Variants in PCDH15 observed in about 807,000 individuals in gnomAD.
PCDH15 encodes protocadherin related 15, also known as protocadherin-15.
A neutral mutation model predicts 178.5 loss-of-function variants in PCDH15; 129 were observed. The ratio of observed to expected loss-of-function variants is 0.72; its 90% CI spans 0.63 to 0.84. The LOEUF (loss-of-function observed/expected upper bound fraction) is 0.84, where lower values mean the gene tolerates loss of function less well. PCDH15 is among the 40% of genes least tolerant of loss of function. PCDH15 has a pLI of 0.00. For missense variants in PCDH15, 2,230 were observed against 2,099.9 expected (o/e 1.06, Z -1.21); for synonymous variants, 800 against 732.0 (o/e 1.09, Z -1.50).
rs150701542 is a variant in PCDH15 at position 55,613,768 on chromosome 10, T to C, written c.-156+13857A>G. Among the ~76,000 whole-genome samples, 581 of 152,228 alleles carry C rather than the reference T, an allele frequency of 3.8e-3. 3 individuals are homozygous for C. Among genetic ancestry groups the C allele is most frequent in the African/African-American group, 0.013 (553 of 41,538 alleles). On this transcript the variant is annotated intron_variant, in intron 2 of 5. Coordinates refer to the PCDH15 transcript ENST00000613346. ...CAAAGCCAAATAGAAAAGATGCAAA[T>C]CATTCGTAGGACAAGGGTTGATGCA...
intron 10 of PCDH15, among the ~76,000 whole-genome samples, chr10:54,198,353 C>T (rs953517133): frequency 5.9e-5 from 9 of 151,964 alleles, no homozygotes; most frequent in Non-Finnish European, 1.3e-4. Context: ...GGCTTCCAAC[C>T]CAATGACCTT....
intron 2 of PCDH15, among the ~76,000 whole-genome samples, chr10:55,115,565 A>C (rs1837611164): frequency 6.6e-6 from 1 of 152,200 alleles, no homozygotes; most frequent in Non-Finnish European, 1.5e-5. Context: ...TGTATAACCA[A>C]GGTGTCAGCT....
At chr10:54,825,233 A>G (rs1953107750) in intron 3 of PCDH15, among the ~76,000 whole-genome samples, 1 of 151,890 alleles carries the variant, frequency 6.6e-6, no homozygotes, top group African/African-American at 2.4e-5. Context: ...ATAGTATTCC[A>G]TGGTGTATAT....
At chr10:54,198,958 C>G (rs533747235) in intron 10 of PCDH15, among the ~76,000 whole-genome samples, 1 of 152,188 alleles carries the variant, frequency 6.6e-6, no homozygotes, top group African/African-American at 2.4e-5. Flanking sequence ...ATTTTACATT[C>G]AGATCATATA....
chr10:54,063,903 C>T (rs1297249740), intron 18 of PCDH15, among the ~76,000 whole-genome samples: 1 of 152,174 alleles, frequency 6.6e-6, no homozygotes. Flanking sequence ...GAGGGGCTCC[C>T]TGAAGAGCCG....
At chr10:54,335,606 A>G (rs1340145462) in intron 6 of PCDH15, among the ~76,000 whole-genome samples, 1 of 152,192 alleles carries the variant, frequency 6.6e-6, no homozygotes, top group Non-Finnish European at 1.5e-5. Context: ...CTTTCACTTG[A>G]TTAAATTCTC....
chr10:54,166,923 G>A (rs1381280177), intron 13 of PCDH15, among the ~76,000 whole-genome samples: 6 of 152,096 alleles, frequency 3.9e-5, no homozygotes, highest in South Asian at 4.1e-4. Flanking sequence ...AGCACCTTGC[G>A]AACCCCACTC....
At chr10:55,596,854 G>T (rs998246192) in intron 2 of PCDH15, among the ~76,000 whole-genome samples, 1 of 150,088 alleles carries the variant, frequency 6.7e-6, no homozygotes, top group Non-Finnish European at 1.5e-5. Flanking sequence ...GATAATACAG[G>T]TTTTTGAGGA....
intron 2 of PCDH15, among the ~76,000 whole-genome samples, chr10:54,633,535 A>G (rs1474685250): frequency 6.6e-6 from 1 of 152,092 alleles, no homozygotes; most frequent in African/African-American, 2.4e-5. Context: ...TGTGTGGACC[A>G]TGTCTAGGTT....
At chr10:55,110,861 C>T (rs955089938) in intron 2 of PCDH15, among the ~76,000 whole-genome samples, 1 of 151,986 alleles carries the variant, frequency 6.6e-6, no homozygotes, top group Non-Finnish European at 1.5e-5. Flanking sequence ...AATTCAGTTT[C>T]TGTAATTATG....
chr10:54,679,977 T>C (rs2094869190), intron 1 of PCDH15, among the ~76,000 whole-genome samples: 1 of 152,206 alleles, frequency 6.6e-6, no homozygotes, highest in Non-Finnish European at 1.5e-5. Context: ...TTTGAGTATA[T>C]GCTATATTAA....
At chr10:54,892,186 G>T (rs995875333) in intron 3 of PCDH15, among the ~76,000 whole-genome samples, 1 of 152,004 alleles carries the variant, frequency 6.6e-6, no homozygotes, top group Non-Finnish European at 1.5e-5. Context: ...TGCACAGCTC[G>T]ATCAATTATA....
intron 18 of PCDH15, among the ~76,000 whole-genome samples, chr10:54,033,929 A>T (rs1181294857): frequency 6.6e-6 from 1 of 151,890 alleles, no homozygotes; most frequent in Non-Finnish European, 1.5e-5. Flanking sequence ...AAGAGTCAAG[A>T]GTAATGTATA....
At position 55,613,653 on chromosome 10, in the gene PCDH15, A is replaced by G. The variant is rs1843416343; in HGVS notation, c.-156+13972T>C. 2.0e-5 allele frequency among the ~76,000 whole-genome samples: 3 copies of G among 152,142 alleles called. No homozygotes were observed. In the South Asian group the frequency reaches 6.2e-4, roughly 32 times the overall value. ...TTATGAATTTGCAAATGTCCTACAA[A>G]CTAAGTGTATTAAATGAATCTGTGA... On this transcript the variant is annotated intron_variant, in intron 2 of 5. Transcript: ENST00000613346.
intron 5 of PCDH15, among the ~76,000 whole-genome samples, chr10:54,361,603 T>C (rs1946062521): frequency 6.6e-6 from 1 of 152,042 alleles, no homozygotes; most frequent in Non-Finnish European, 1.5e-5. Flanking sequence ...TCCATTATTA[T>C]ACAGGTAGGA....
chr10:55,459,041 G>T (rs113955236), intron 2 of PCDH15, among the ~76,000 whole-genome samples: 1 of 151,992 alleles, frequency 6.6e-6, no homozygotes, highest in Non-Finnish European at 1.5e-5. Flanking sequence ...ATGCACAATT[G>T]CTGGTGCTAG....
chr10:53,992,901 T>C (rs749282150), intron 21 of PCDH15, among the ~76,000 whole-genome samples: 4 of 152,202 alleles, frequency 2.6e-5, no homozygotes, highest in Non-Finnish European at 4.4e-5. Flanking sequence ...TTGCAAAACA[T>C]GTATTTTATA....
At chr10:55,126,525 A>G (rs1778284047) in intron 2 of PCDH15, among the ~76,000 whole-genome samples, 1 of 152,100 alleles carries the variant, frequency 6.6e-6, no homozygotes, top group African/African-American at 2.4e-5. Context: ...ATGGTCTTAA[A>G]TGTGACTTGA....
intron 2 of PCDH15, among the ~76,000 whole-genome samples, chr10:55,021,319 A>G (rs1448950746): frequency 2.6e-5 from 4 of 152,208 alleles, no homozygotes; most frequent in African/African-American, 9.6e-5. Context: ...TTAGAACCTC[A>G]CAAAATGACT....
Sources: allele counts gnomAD v4.1 joint callset (sites outside exome capture counted in the v4.1 genomes callset), GRCh38; gene constraint gnomAD v4.1.1; transcripts MANE v1.5; gene names NCBI Gene and HGNC (gene_info 2026-07-23, HGNC 2026-07-21).